The following SHISAL1 variants were observed in gnomAD, a reference collection of about 807,000 sequenced individuals.
The protein encoded by SHISAL1 is shisa like 1.
Under a neutral mutation model 22.6 loss-of-function variants are expected in SHISAL1, and 9 were observed. The observed-to-expected ratio is 0.40, with a 90% CI of 0.24 to 0.70. The LOEUF (loss-of-function observed/expected upper bound fraction) is 0.70, where lower values mean the gene tolerates loss of function less well. Ranked by LOEUF, SHISAL1 falls within the 30% of genes least tolerant of loss-of-function variation. The pLI, the probability that SHISAL1 is intolerant of heterozygous loss-of-function variation, is 0.39. For missense variants in SHISAL1, 246 were observed against 270.6 expected (o/e 0.91, Z 0.64); for synonymous variants, 119 against 115.4 (o/e 1.03, Z -0.20).
At chr22:44,293,052 A>G (rs1274637849) in intron 3 of SHISAL1, among the ~76,000 whole-genome samples, 1 of 152,054 alleles carries the variant, frequency 6.6e-6, no homozygotes, top group East Asian at 1.9e-4. Context: ...CCCTGCCTCC[A>G]CCAGCTCTTT....
At chr22:44,264,928 C>T (rs73888951) in intron 4 of SHISAL1, among the ~76,000 whole-genome samples, 8,635 of 150,690 alleles carry the variant, frequency 0.057, 633 homozygotes, top group East Asian at 0.18. Flanking sequence ...TCACAAGCCA[C>T]GTGACCTTGG....
chr22:44,326,893 T>C, the SHISAL1 span, among the ~76,000 whole-genome samples: 1 of 151,810 alleles, frequency 6.6e-6, no homozygotes, highest in Non-Finnish European at 1.5e-5. Flanking sequence ...TCAGTGTAAA[T>C]TTCATCATCT....
At chr22:44,251,644 T>C (rs1009602486) in intron 4 of SHISAL1, among the ~76,000 whole-genome samples, 4 of 152,198 alleles carry the variant, frequency 2.6e-5, no homozygotes, top group African/African-American at 4.8e-5. Flanking sequence ...CTTATGTGGA[T>C]GGTGGCAGGC....
intron 2 of SHISAL1, among the ~76,000 whole-genome samples, chr22:44,298,078 C>T (rs943210638): frequency 6.6e-6 from 1 of 152,216 alleles, no homozygotes; most frequent in African/African-American, 2.4e-5. Context: ...CCCCTTCCCC[C>T]ACAGACAGCA....
chr22:44,297,230 C>G (rs1342675965), intron 2 of SHISAL1, among the ~76,000 whole-genome samples: 1 of 152,198 alleles, frequency 6.6e-6, no homozygotes, highest in Admixed American at 6.5e-5. Context: ...CTCACACAGC[C>G]AAGCAAGTCT....
chr22:44,274,058 TC>T (rs926221236), intron 4 of SHISAL1, among the ~76,000 whole-genome samples: 14 of 82,746 alleles, frequency 1.7e-4, no homozygotes, highest in Admixed American at 1.3e-3. Context: ...GGCCCCCCCC[TC>T]CCCCCCACCC....
chr22:44,325,901 C>G, the SHISAL1 span, among the ~76,000 whole-genome samples: 5 of 151,768 alleles, frequency 3.3e-5, no homozygotes, highest in African/African-American at 7.3e-5. Context: ...ACACACCTAT[C>G]AAGACCCAAG....
intron 4 of SHISAL1, among the ~76,000 whole-genome samples, chr22:44,256,435 ATG>A (rs1207351874): frequency 6.6e-6 from 1 of 152,152 alleles, no homozygotes; most frequent in Non-Finnish European, 1.5e-5. Context: ...GTGTGCCTTC[ATG>A]TGTGTCTATA....
the SHISAL1 span, among the ~76,000 whole-genome samples, chr22:44,328,266 G>A: frequency 6.6e-6 from 1 of 152,138 alleles, no homozygotes. Flanking sequence ...TAGTGTAGTG[G>A]TTGGGAGCCT....
At chr22:44,277,770 C>T (rs530413774) in intron 4 of SHISAL1, among the ~76,000 whole-genome samples, 2 of 152,318 alleles carry the variant, frequency 1.3e-5, no homozygotes, top group South Asian at 2.1e-4. Context: ...TGGGCCACCG[C>T]CTGCTCCTTG....
intron 3 of SHISAL1, among the ~76,000 whole-genome samples, chr22:44,293,754 T>G (rs971120899): frequency 6.6e-6 from 1 of 152,114 alleles, no homozygotes; most frequent in Non-Finnish European, 1.5e-5. Context: ...AGCGGCATGA[T>G]GAGGTTGAGG....
chr22:44,277,844 G>T (rs919543827), intron 4 of SHISAL1, among the ~76,000 whole-genome samples: 3 of 152,150 alleles, frequency 2.0e-5, no homozygotes, highest in Non-Finnish European at 2.9e-5. Flanking sequence ...GAGGCTCGAC[G>T]GGACATAATG....
intron 4 of SHISAL1, among the ~76,000 whole-genome samples, chr22:44,267,696 C>T (rs866608082): frequency 2.5e-4 from 38 of 152,366 alleles, no homozygotes; most frequent in Middle Eastern, 6.8e-3. Flanking sequence ...CTTCCTCCCC[C>T]ACACTCATGC....
chr22:44,245,093 G>A lies in SHISAL1; in HGVS notation c.*4592C>T, dbSNP rs1387747340. On this transcript the variant is annotated 3_prime_UTR_variant, in exon 5 of 5. Coordinates refer to ENST00000381176, the MANE Select transcript of SHISAL1 (RefSeq NM_001099294.2). ...GGCGTCATCCACTCATGGCCTCTCT[G>A]ACTGTCCCAGTGCTGTGGGGGCCAA... is the stretch of plus-strand genomic sequence containing the variant. 2.6e-5 allele frequency: 4 copies of A among 152,230 alleles called. No homozygotes were observed. Among genetic ancestry groups the A allele is most frequent in the African/African-American group, 7.2e-5 (3 of 41,458 alleles). The allele number at this position is 152,230 out of a possible 1,614,324, so 9.4% of individuals were successfully genotyped here. A position where few individuals can be genotyped will look rare whatever the true frequency, so the allele number is the denominator to read the frequency against.
intron 4 of SHISAL1, among the ~76,000 whole-genome samples, chr22:44,283,157 C>T (rs1386038090): frequency 6.6e-6 from 1 of 152,190 alleles, no homozygotes; most frequent in Non-Finnish European, 1.5e-5. Flanking sequence ...GCCCGTGAAT[C>T]CAGCCAGGGA....
intron 4 of SHISAL1, among the ~76,000 whole-genome samples, chr22:44,270,706 C>G (rs1272183817): frequency 6.6e-6 from 1 of 152,150 alleles, no homozygotes; most frequent in African/African-American, 2.4e-5. Context: ...CGGACACAGA[C>G]GGAAAACCCA....
At chr22:44,316,148 T>C (rs2055557286), upstream of SHISAL1, among the ~76,000 whole-genome samples, 1 of 152,066 alleles carries the variant, frequency 6.6e-6, no homozygotes, top group South Asian at 2.1e-4. Context: ...GAATCCAGAT[T>C]TGGAGCAGAC....
chr22:44,296,358 C>T (rs989598691), intron 3 of SHISAL1, among the ~76,000 whole-genome samples: 1 of 152,174 alleles, frequency 6.6e-6, no homozygotes, highest in Non-Finnish European at 1.5e-5. Flanking sequence ...TGGGGTTTCA[C>T]CATGTTGGCT....
rs1400803957 is a variant in SHISAL1, at chr22:44,310,068, C to T, written c.-33+2683G>A. On this transcript the variant is annotated intron_variant, in intron 1 of 4. Coordinates refer to ENST00000381176, the MANE Select transcript of SHISAL1 (RefSeq NM_001099294.2). The surrounding 1 kb of genome is among the most constrained non-coding windows in gnomAD (Gnocchi z 4.0). ...GTTCGCCTGCAGCTGGGGTGCCGGG[C>T]TCCACGGCTGACAGTGAGTGAGAAG... Among the ~76,000 whole-genome samples the T allele has an allele frequency of 6.6e-6, 1 of 152,166 alleles. No individual in the cohort carries two copies. The highest frequency in any genetic ancestry group is 1.5e-5 in the Non-Finnish European group (1 of 68,024).
Sources: allele counts gnomAD v4.1 joint callset (sites outside exome capture counted in the v4.1 genomes callset), GRCh38; gene constraint gnomAD v4.1.1; non-coding constraint Gnocchi (gnomAD v3.1); transcripts MANE v1.5; gene names NCBI Gene and HGNC (gene_info 2026-07-23, HGNC 2026-07-21).